Variants in DPM1 observed in about 807,000 individuals in gnomAD.
The protein encoded by DPM1 is dolichol-phosphate mannosyltransferase subunit 1.
A neutral mutation model predicts 39.0 loss-of-function variants in DPM1; 27 were observed. The observed-to-expected ratio is 0.69, with a 90% confidence interval of 0.51 to 0.95. DPM1 has a LOEUF of 0.95. Among genes scored for constraint, DPM1 ranks in the 40% least tolerant of loss-of-function variants. DPM1 has a pLI of 0.00. For missense variants in DPM1, 307 were observed against 315.6 expected (o/e 0.97, Z 0.21); for synonymous variants, 124 against 109.0 (o/e 1.14, Z -0.86).
chr20:50,941,252 AT>A (rs1235395925), intron 6 of DPM1: 6 of 173,492 alleles, frequency 3.5e-5, no homozygotes, highest in African/African-American at 1.4e-4. Context: ...ATATATATAT[AT>A]ATATATATAT....
Position 50,948,639 on chromosome 20 carries a change from C to G in DPM1, c.285G>C (p.Lys95Asn), listed in dbSNP as rs768779546. Residue 95 changes from lysine to asparagine, a missense_variant, in exon 3 of 9, where the codon AAG becomes AAC. By Grantham distance (94) the Lys-to-Asn change is moderately conservative. This residue lies in a region of DPM1 where 206 missense variants were observed against 188.2 expected (regional missense o/e 1.09). Transcript: ENST00000371588. ...GATTACACGACTTACCTAGTCCCAA[C>G]TTTTTCTCTCGTGGTCTTAGAAGCT... ...DRILLRPREK[K>N]LGLGTAYIHG... 5.6e-6 allele frequency: 9 copies of G among 1,614,008 alleles called. No individual in the cohort carries two copies. Among genetic ancestry groups the G allele is most frequent in the Non-Finnish European group, 6.8e-6 (8 of 1,179,902 alleles).
At chr20:50,941,265 A>ATATATATATATATATATATAT in intron 6 of DPM1, 3 of 107,326 alleles carry the variant, frequency 2.8e-5, no homozygotes, top group South Asian at 3.0e-4. Context: ...TATATATATA[A>ATATATATATATATATATATAT]ATAAAATACA....
intron 5 of DPM1, chr20:50,945,234 G>A (rs1986188859): frequency 6.5e-6 from 1 of 153,900 alleles, no homozygotes; most frequent in Non-Finnish European, 1.4e-5. Context: ...ACTACCTGTT[G>A]ATTTGCTCCT....
intron 6 of DPM1, 136 bp from the exon 7 acceptor site, chr20:50,941,069 G>T (rs764740587): frequency 2.0e-6 from 2 of 991,910 alleles, no homozygotes; most frequent in Admixed American, 2.5e-5. Flanking sequence ...TATTTATCTA[G>T]AACAAAATAG....
intron 1 of DPM1, among the ~76,000 whole-genome samples, chr20:50,957,947 C>T (rs914609861): frequency 3.0e-4 from 45 of 152,212 alleles, no homozygotes; most frequent in Admixed American, 6.5e-4. Context: ...CACACCAAAC[C>T]TCATGCTTAT....
At chr20:50,949,750 A>T (rs559460138) in intron 2 of DPM1, among the ~76,000 whole-genome samples, 1 of 146,624 alleles carries the variant, frequency 6.8e-6, no homozygotes, top group East Asian at 2.0e-4. Context: ...AGCATTTTCA[A>T]TTAAAGCAGA....
intron 3 of DPM1, among the ~76,000 whole-genome samples, chr20:50,947,849 G>C (rs866396571): frequency 6.6e-6 from 1 of 152,092 alleles, no homozygotes; most frequent in Non-Finnish European, 1.5e-5. Flanking sequence ...GGATGGTCTC[G>C]ATCTCTTGAC....
intron 1 of DPM1, among the ~76,000 whole-genome samples, chr20:50,956,857 G>A (rs1166565506): frequency 6.6e-6 from 1 of 152,146 alleles, no homozygotes; most frequent in South Asian, 2.1e-4. Flanking sequence ...ACCACCTGAG[G>A]GTGAGGCAGC....
chr20:50,946,009 G>T, intron 3 of DPM1, 86 bp from the exon 4 acceptor site: 1 of 1,139,010 alleles, frequency 8.8e-7, no homozygotes, highest in Non-Finnish European at 1.3e-6. Flanking sequence ...TTTAGCACCT[G>T]AAGAGCACAC....
chr20:50,944,433 G>A (rs1228952664), intron 5 of DPM1: 1 of 152,248 alleles, frequency 6.6e-6, no homozygotes, highest in Admixed American at 6.5e-5. Context: ...TGAAGGATGA[G>A]CAGCAGATGG....
chr20:50,943,862 C>A (rs1210313756), intron 5 of DPM1, among the ~76,000 whole-genome samples: 1 of 151,962 alleles, frequency 6.6e-6, no homozygotes, highest in Non-Finnish European at 1.5e-5. Context: ...GCCTCAGCCT[C>A]CCGAGTAGCT....
chr20:50,958,519 G>A lies in DPM1; in HGVS notation c.5C>T (p.Ala2Val), dbSNP rs1052184543. 2.5e-6 allele frequency: 4 copies of A among 1,613,514 alleles called. No individual in the cohort carries two copies. Among genetic ancestry groups the A allele is most frequent in the East Asian group, 2.2e-5 (1 of 44,872 alleles). The change falls in exon 1 of 9, where the codon GCC becomes GTC. Residue 2 changes from alanine (A) to valine (V), a missense_variant. Physicochemically the swap from Ala to Val is moderately conservative, Grantham distance 64. Around this residue, in one of 3 missense-constraint regions of DPM1, gnomAD observed 206 missense variants for 188.2 expected, o/e 1.09. Coordinates refer to ENST00000371588, the MANE Select transcript of DPM1 (RefSeq NM_003859.3). ...AGGACTACGACTGACTTCCAAGGAG[G>A]CCATGGCGGAACTGAGCCAGATGCC... M[A>V]SLEVSRSPRR...
chr20:50,951,459 G>A (rs1284098473), intron 2 of DPM1, among the ~76,000 whole-genome samples: 1 of 152,140 alleles, frequency 6.6e-6, no homozygotes, highest in African/African-American at 2.4e-5. Context: ...TGTTGACCTG[G>A]GTCTCCCCTG....
intron 7 of DPM1, 76 bp downstream of exon 7, chr20:50,940,789 G>T: frequency 8.5e-7 from 1 of 1,180,846 alleles, no homozygotes; most frequent in Non-Finnish European, 1.3e-6. Flanking sequence ...GAAATGTAAA[G>T]TGTCTCTTTA....
Position 50,955,197 on chromosome 20 carries a change from A to T in DPM1, c.250T>A (p.Ser84Thr), listed in dbSNP as rs931250186. 1 of 1,611,470 alleles carries T rather than the reference A, an allele frequency of 6.2e-7. No individual in the cohort carries two copies. The highest frequency in any genetic ancestry group is 2.2e-5 in the East Asian group (1 of 44,800). The change falls in exon 2 of 9, where the codon TCA (serine) becomes ACA (threonine). Residue 84 changes from serine (S) to threonine (T), a missense_variant. By Grantham distance (58) the Ser-to-Thr change is moderately conservative (BLOSUM62 1). Around this residue, in one of 3 missense-constraint regions of DPM1, gnomAD observed 206 missense variants for 188.2 expected, o/e 1.09. Coordinates refer to ENST00000371588, the MANE Select transcript of DPM1 (RefSeq NM_003859.3). ...VAEQLEKIYGSDRILLRPREK... is the reference protein window; with the variant it reads ...VAEQLEKIYGTDRILLRPREK... ...TTCTTATAACTTACAATTCTGTCTGACCCATAGATCTTCTCCAACTGTTCA... is the reference window on the plus strand; with the variant it reads ...TTCTTATAACTTACAATTCTGTCTGTCCCATAGATCTTCTCCAACTGTTCA...
intron 2 of DPM1, among the ~76,000 whole-genome samples, chr20:50,954,653 G>T (rs1986738445): frequency 6.6e-6 from 1 of 152,138 alleles, no homozygotes; most frequent in Non-Finnish European, 1.5e-5. Flanking sequence ...TGAATCTAAA[G>T]TTTAGGACTA....
At chr20:50,952,930 G>A (rs1184364437) in intron 2 of DPM1, among the ~76,000 whole-genome samples, 2 of 152,164 alleles carry the variant, frequency 1.3e-5, no homozygotes, top group African/African-American at 4.8e-5. Context: ...TTTACAGAGA[G>A]CAGATCTTAA....
chr20:50,948,749 T>A, intron 2 of DPM1, 87 bp from the exon 3 acceptor site: 1 of 1,206,574 alleles, frequency 8.3e-7, no homozygotes, highest in South Asian at 1.2e-5. Flanking sequence ...GCATACTCAC[T>A]TTAATAGAAA....
At chr20:50,941,299 CATATA>C (rs1456679415) in intron 6 of DPM1, 2 of 131,268 alleles carry the variant, frequency 1.5e-5, no homozygotes, top group African/African-American at 7.9e-5. Context: ...TATACACATT[CATATA>C]ATATGTATAT....
Sources: gnomAD v4.1 joint callset for allele counts (sites outside exome capture counted in the v4.1 genomes callset) on GRCh38, gnomAD v4.1.1 for gene constraint, gnomAD v4.1.1 regional missense constraint, MANE v1.5 for transcripts, NCBI Gene and HGNC (gene_info 2026-07-23, HGNC 2026-07-21) for gene names.